Variants in UBE2D4 observed in about 807,000 individuals in gnomAD.
The protein encoded by UBE2D4 is ubiquitin-conjugating enzyme E2 D4.
Under a neutral mutation model 23.0 loss-of-function variants are expected in UBE2D4, and 17 were observed. The observed-to-expected ratio is 0.74, with a 90% CI of 0.51 to 1.11. The LOEUF is 1.11. Ranked by LOEUF, UBE2D4 falls within the 50% of genes least tolerant of loss-of-function variation. The pLI, the probability that UBE2D4 is intolerant of heterozygous loss-of-function variation, is 0.00. For synonymous variants in UBE2D4, 61 were observed against 69.4 expected, an observed-to-expected ratio of 0.88 and a Z score of 0.60; for missense variants, 139 against 181.8, an observed-to-expected ratio of 0.76 and a Z score of 1.35.
At chr7:43,948,983 G>A in intron 5 of UBE2D4, 2 of 443,622 alleles carry the variant, frequency 4.5e-6, no homozygotes, top group East Asian at 3.3e-5. Flanking sequence ...CTGTCACATG[G>A]GTGCAAGAAG....
At chr7:43,945,184 G>C (rs760552092) in intron 4 of UBE2D4, among the ~76,000 whole-genome samples, 4 of 152,098 alleles carry the variant, frequency 2.6e-5, no homozygotes, top group Non-Finnish European at 5.9e-5. Flanking sequence ...GTAAAGATGG[G>C]GTTTTGCCAT....
intron 4 of UBE2D4, chr7:43,943,436 G>A (rs773112604): frequency 1.7e-4 from 44 of 261,208 alleles, no homozygotes; most frequent in Admixed American, 4.0e-4. Flanking sequence ...TATCAAAACC[G>A]TGGTGAGGGA....
rs944470872 is a variant in UBE2D4 at position 43,948,898 on chromosome 7, G to C, written c.304+161G>C. 5.1e-6 allele frequency: 3 copies of C among 592,776 alleles called. No homozygotes were observed. In the East Asian group the frequency reaches 8.5e-5, roughly 17 times the overall value. The allele number at this position is 592,776 out of a possible 1,614,324, so 36.7% of individuals were successfully genotyped here. A position where few individuals can be genotyped will look rare whatever the true frequency, so the allele number is the denominator to read the frequency against. On this transcript the variant is annotated intron_variant, in intron 5 of 6. Transcript: ENST00000222402. ...TAAGTGGATATCCTTACACGCCTACGAGGCAGCACCAGCAGAACTTTGTGC... is the reference window on the plus strand; with the variant it reads ...TAAGTGGATATCCTTACACGCCTACCAGGCAGCACCAGCAGAACTTTGTGC...
intron 1 of UBE2D4, among the ~76,000 whole-genome samples, chr7:43,930,552 C>T (rs2132750614): frequency 6.6e-6 from 1 of 152,228 alleles, no homozygotes; most frequent in East Asian, 1.9e-4. Context: ...ACCTCCTGGG[C>T]TCAAGCAGTC....
At chr7:43,934,060 C>A (rs970277161) in intron 1 of UBE2D4, among the ~76,000 whole-genome samples, 2 of 152,114 alleles carry the variant, frequency 1.3e-5, no homozygotes, top group Admixed American at 1.3e-4. Context: ...AACAGGACAA[C>A]GACGAGTAAA....
chr7:43,946,130 T>TCACC (rs1422290900), intron 4 of UBE2D4: 1 of 152,106 alleles, frequency 6.6e-6, no homozygotes, highest in Admixed American at 6.6e-5. Context: ...GGGTCACTGC[T>TCACC]CACCCAGAGG....
chr7:43,947,690 G>T (rs1008431544), intron 4 of UBE2D4, among the ~76,000 whole-genome samples: 3 of 152,092 alleles, frequency 2.0e-5, no homozygotes, highest in African/African-American at 7.2e-5. Context: ...TAATCCTTTG[G>T]GTATGTACCC....
At position 43,952,593 on chromosome 7, in the gene UBE2D4, T is replaced by C. The variant is rs2096005336; in HGVS notation, c.399-57T>C. ...ATCAGTCCTGTTCTCTGCAGCACAT[T>C]GAAGGGAAGTGACCATTTCAAGTGA... On this transcript the variant is annotated intron_variant, in intron 6 of 6. Coordinates refer to ENST00000222402, the MANE Select transcript of UBE2D4 (RefSeq NM_015983.4). The C allele has an allele frequency of 3.4e-6, 5 of 1,475,746 alleles. No homozygotes were observed. The South Asian group carries it at 5.7e-5, about 17-fold the overall frequency. 91.4% of individuals were successfully genotyped at this position (1,475,746 alleles called of 1,614,324 possible).
At chr7:43,934,453 CTTTT>C (rs36122809) in intron 1 of UBE2D4, among the ~76,000 whole-genome samples, 3 of 142,236 alleles carry the variant, frequency 2.1e-5, no homozygotes, top group African/African-American at 5.2e-5. Flanking sequence ...CTTGTTTTTC[CTTTT>C]TTTTTTTTTT....
Position 43,945,613 on chromosome 7 carries a change from C to A in UBE2D4, c.198+2582C>A, listed in dbSNP as rs80126998. On this transcript the variant is annotated intron_variant, in intron 4 of 6. Transcript: ENST00000222402. ...ACAGATGTTCAAGCTCACATGCACA[C>A]AACTCTCTTCTCATATTCGAAAGTA... is the stretch of plus-strand genomic sequence containing the variant. 6.7e-3 allele frequency among the ~76,000 whole-genome samples: 1,022 copies of A among 152,100 alleles called. 9 individuals carry two copies. Among genetic ancestry groups the A allele is most frequent in the African/African-American group, 0.024 (984 of 41,516 alleles).
chr7:43,937,343 A>G (rs900910589), intron 1 of UBE2D4, among the ~76,000 whole-genome samples: 5 of 152,214 alleles, frequency 3.3e-5, no homozygotes, highest in African/African-American at 1.2e-4. Context: ...GAGGTAAGCT[A>G]AAAGGAACTG....
chr7:43,931,393 G>A (rs1221347885), intron 1 of UBE2D4, among the ~76,000 whole-genome samples: 8 of 152,170 alleles, frequency 5.3e-5, no homozygotes, highest in African/African-American at 1.2e-4. Context: ...GCAGTGAGCC[G>A]ATATCGTGCC....
chr7:43,937,798 T>C (rs1012935923), intron 1 of UBE2D4, among the ~76,000 whole-genome samples: 4 of 152,122 alleles, frequency 2.6e-5, no homozygotes, highest in African/African-American at 9.7e-5. Context: ...TGGTGTCCCA[T>C]AAAGGGAATC....
At chr7:43,931,881 G>A (rs954574114) in intron 1 of UBE2D4, among the ~76,000 whole-genome samples, 1 of 152,026 alleles carries the variant, frequency 6.6e-6, no homozygotes, top group Non-Finnish European at 1.5e-5. Context: ...TAGAGACGGG[G>A]TTTTGCCATG....
intron 1 of UBE2D4, among the ~76,000 whole-genome samples, chr7:43,936,992 C>T (rs2095960066): frequency 6.6e-6 from 1 of 152,144 alleles, no homozygotes; most frequent in Non-Finnish European, 1.5e-5. Context: ...AGTTAGTATT[C>T]GAAACTCCTG....
Position 43,954,690 on chromosome 7 carries a change from A to G in UBE2D4, c.*1995A>G, listed in dbSNP as rs543079851. 14 of 152,346 alleles carry G rather than the reference A, an allele frequency of 9.2e-5. No homozygotes were observed. Among genetic ancestry groups the G allele is most frequent in the Admixed American group, 8.5e-4 (13 of 15,310 alleles). The allele number at this position is 152,346 out of a possible 1,614,324, so 9.4% of individuals were successfully genotyped here. On this transcript the variant is annotated 3_prime_UTR_variant, in exon 7 of 7. Transcript: ENST00000222402. The stretch of plus-strand genomic sequence containing the variant: ...TGTCCTCTAGGAAGGCTGTTAGCAT[A>G]TGGCTCTACTGAGCAGCAGTGCCAT...
intron 5 of UBE2D4, among the ~76,000 whole-genome samples, chr7:43,949,684 G>A (rs77976550): frequency 5.3e-4 from 81 of 152,160 alleles, no homozygotes; most frequent in African/African-American, 1.9e-3. Context: ...TTTCTCTCTG[G>A]GACCCCAAGA....
intron 5 of UBE2D4, chr7:43,949,093 A>C: frequency 2.8e-6 from 1 of 353,764 alleles, no homozygotes; most frequent in African/African-American, 2.1e-5. Flanking sequence ...ATAAGCACAA[A>C]ACGGACTGTG....
At chr7:43,932,649 C>T (rs564458396) in intron 1 of UBE2D4, among the ~76,000 whole-genome samples, 41 of 151,846 alleles carry the variant, frequency 2.7e-4, no homozygotes, top group Non-Finnish European at 4.4e-4. Flanking sequence ...AAACATTAGC[C>T]GGGCATATTA....
Sources: allele counts gnomAD v4.1 joint callset (sites outside exome capture counted in the v4.1 genomes callset), GRCh38; gene constraint gnomAD v4.1.1; transcripts MANE v1.5; gene names NCBI Gene and HGNC (gene_info 2026-07-23, HGNC 2026-07-21).